The following HMGA2 variants were observed in gnomAD, a reference collection of about 807,000 sequenced individuals.
HMGA2 encodes the protein high mobility group protein HMGI-C.
In HMGA2, 8 loss-of-function variants were observed where a neutral mutation model predicts 19.1. That is an observed-to-expected ratio of 0.42 (90% CI 0.25 to 0.76). The LOEUF (loss-of-function observed/expected upper bound fraction) is 0.76. Ranked by LOEUF, HMGA2 falls within the 30% of genes least tolerant of loss-of-function variation. The probability of loss-of-function intolerance (pLI) is 0.28; values close to 1 mark genes in which losing one functional copy is unlikely to be tolerated. For missense variants in HMGA2, 109 were observed against 136.3 expected (o/e 0.80, Z 1.00); for synonymous variants, 60 against 48.8 (o/e 1.23, Z -0.96).
chr12:65,957,209 A>G (rs550357866), intron 4 of HMGA2: 25 of 152,242 alleles, frequency 1.6e-4, no homozygotes, highest in Non-Finnish European at 3.4e-4. Context: ...AAACAAAGGG[A>G]AAAGGTTTTT....
At chr12:65,944,361 A>T (rs1056739345) in intron 3 of HMGA2, among the ~76,000 whole-genome samples, 1 of 152,194 alleles carries the variant, frequency 6.6e-6, no homozygotes, top group African/African-American at 2.4e-5. Flanking sequence ...GTTCAGGTGG[A>T]TTTGGAGTGG....
intron 3 of HMGA2, among the ~76,000 whole-genome samples, chr12:65,847,269 T>C (rs143695634): frequency 3.9e-5 from 6 of 152,182 alleles, no homozygotes; most frequent in East Asian, 3.9e-4. Flanking sequence ...AAGATGGGTG[T>C]TAAATCGTCA....
chr12:65,828,421 A>T (rs1870325646), intron 2 of HMGA2: 1 of 305,334 alleles, frequency 3.3e-6, no homozygotes, highest in African/African-American at 2.2e-5. Context: ...ACCAGTTGTA[A>T]ATAGTTAAAA....
At chr12:65,830,214 G>A (rs574988174) in intron 2 of HMGA2, among the ~76,000 whole-genome samples, 7 of 152,018 alleles carry the variant, frequency 4.6e-5, no homozygotes, top group South Asian at 2.1e-4. Context: ...TTGATGAATC[G>A]TTCATGGCAT....
intron 3 of HMGA2, among the ~76,000 whole-genome samples, chr12:65,926,240 T>C (rs1008098642): frequency 6.6e-6 from 1 of 152,194 alleles, no homozygotes; most frequent in Non-Finnish European, 1.5e-5. Flanking sequence ...GTCTTGTGGT[T>C]GAGCATTCAA....
At chr12:65,931,235 T>C (rs1221305623) in intron 3 of HMGA2, among the ~76,000 whole-genome samples, 14 of 152,220 alleles carry the variant, frequency 9.2e-5, no homozygotes, top group Admixed American at 8.5e-4. Flanking sequence ...CTCAAGTCAC[T>C]GGGTCTTTAT....
intron 3 of HMGA2, chr12:65,858,495 A>G (rs1012192684): frequency 5.3e-5 from 8 of 152,206 alleles, no homozygotes; most frequent in African/African-American, 1.9e-4. Flanking sequence ...ATCCTGTGAT[A>G]ATTTTTCTTT....
chr12:65,938,472 T>G (rs1242925105), intron 3 of HMGA2, among the ~76,000 whole-genome samples: 9 of 152,126 alleles, frequency 5.9e-5, no homozygotes, highest in Admixed American at 5.9e-4. Flanking sequence ...CATACACTGA[T>G]CAGCAGGAAA....
intron 3 of HMGA2, among the ~76,000 whole-genome samples, chr12:65,851,117 T>A (rs1004423717): frequency 2.0e-5 from 3 of 152,220 alleles, no homozygotes; most frequent in African/African-American, 7.2e-5. Context: ...CTTAGGCCTT[T>A]GTTACCTCTC....
chr12:65,920,979 A>T (rs168220), intron 3 of HMGA2, among the ~76,000 whole-genome samples: 26,400 of 152,184 alleles, frequency 0.17, 3,050 homozygotes, highest in Middle Eastern at 0.3. Context: ...CTTCCTAGAG[A>T]CTTGTTGAAT....
At chr12:65,868,461 G>A (rs1432666337) in intron 3 of HMGA2, among the ~76,000 whole-genome samples, 1 of 152,106 alleles carries the variant, frequency 6.6e-6, no homozygotes, top group Non-Finnish European at 1.5e-5. Context: ...GATCGTGGAG[G>A]AGTCAGATTA....
chr12:65,930,118 T>A (rs1346931334), intron 3 of HMGA2, among the ~76,000 whole-genome samples: 2 of 152,224 alleles, frequency 1.3e-5, no homozygotes, highest in African/African-American at 4.8e-5. Flanking sequence ...GAGAAGCTTT[T>A]AGCAACTCCT....
chr12:65,862,950 G>A (rs1872188769), intron 3 of HMGA2, among the ~76,000 whole-genome samples: 1 of 152,200 alleles, frequency 6.6e-6, no homozygotes, highest in East Asian at 1.9e-4. Flanking sequence ...TTCTCCAGCT[G>A]TCCCACCGTC....
chr12:65,880,156 G>T (rs1429304464), intron 3 of HMGA2, among the ~76,000 whole-genome samples: 1 of 152,208 alleles, frequency 6.6e-6, no homozygotes. Flanking sequence ...ACTAACTCTT[G>T]ATCACTGGAG....
intron 3 of HMGA2, among the ~76,000 whole-genome samples, chr12:65,919,637 G>A (rs571303345): frequency 1.1e-4 from 16 of 152,200 alleles, no homozygotes; most frequent in Non-Finnish European, 1.8e-4. Flanking sequence ...AGAGAACCAC[G>A]TGAGAAGATA....
intron 1 of HMGA2, chr12:65,826,544 T>TGG (rs988154037): frequency 5.9e-5 from 9 of 152,190 alleles, no homozygotes; most frequent in African/African-American, 1.9e-4. Context: ...GAGAGCAAGG[T>TGG]GGGGAAACTG....
chr12:65,852,506 A>T (rs965603450), intron 3 of HMGA2, among the ~76,000 whole-genome samples: 4 of 152,070 alleles, frequency 2.6e-5, no homozygotes, highest in South Asian at 2.1e-4. Context: ...CTGTTTCAAA[A>T]AATAATAATA....
At chr12:65,883,839 T>C (rs1370863987) in intron 3 of HMGA2, among the ~76,000 whole-genome samples, 3 of 152,214 alleles carry the variant, frequency 2.0e-5, no homozygotes, top group Non-Finnish European at 4.4e-5. Context: ...CAGGACACAA[T>C]TGAAAACTGG....
intron 3 of HMGA2, among the ~76,000 whole-genome samples, chr12:65,843,813 C>T (rs928750630): frequency 1.3e-5 from 2 of 152,056 alleles, no homozygotes; most frequent in South Asian, 4.1e-4. Context: ...CTTTGGGAGG[C>T]CAAGGCGGGC....
Sources: allele counts gnomAD v4.1 joint callset (sites outside exome capture counted in the v4.1 genomes callset), GRCh38; gene constraint gnomAD v4.1.1; transcripts MANE v1.5; gene names NCBI Gene and HGNC (gene_info 2026-07-23, HGNC 2026-07-21).